CSMD1: variants seen among roughly 807,000 people sequenced by gnomAD.
The protein encoded by CSMD1 is CUB and Sushi multiple domains 1.
A neutral mutation model predicts 417.5 loss-of-function variants in CSMD1; 213 were observed. That is an observed-to-expected ratio of 0.51 (90% CI 0.46 to 0.57). The LOEUF is 0.57. CSMD1 is among the 20% of genes least tolerant of loss of function. CSMD1 has a pLI of 0.00. For missense variants in CSMD1, 6,923 were observed against 4,529.7 expected, an observed-to-expected ratio of 1.53 and a Z score of -15.17; for synonymous variants, 2,862 against 1,736.8, an observed-to-expected ratio of 1.65 and a Z score of -16.11.
chr8:4,787,708 G>C, intron 1 of CSMD1: 1 of 1,591,992 alleles, frequency 6.3e-7, no homozygotes. Flanking sequence ...TTTCAAGGAT[G>C]CTGCCAATAA....
intron 68 of CSMD1, among the ~76,000 whole-genome samples, chr8:2,948,388 T>C (rs892854738): frequency 6.6e-6 from 1 of 151,902 alleles, no homozygotes; most frequent in Non-Finnish European, 1.5e-5. Flanking sequence ...CTGATGATTG[T>C]TTCCACATAT....
chr8:4,546,666 G>A (rs1410212377), intron 2 of CSMD1, among the ~76,000 whole-genome samples: 1 of 151,990 alleles, frequency 6.6e-6, no homozygotes, highest in Non-Finnish European at 1.5e-5. Context: ...TGGCTTTCCT[G>A]GATCTCCAGC....
intron 5 of CSMD1, among the ~76,000 whole-genome samples, chr8:3,755,763 T>G (rs553378180): frequency 1.3e-5 from 2 of 152,262 alleles, no homozygotes; most frequent in African/African-American, 4.8e-5. Context: ...AGCCAAACCT[T>G]GACTGTAACC....
At chr8:3,703,447 CA>C (rs1800986744) in intron 7 of CSMD1, among the ~76,000 whole-genome samples, 2 of 146,372 alleles carry the variant, frequency 1.4e-5, no homozygotes, top group African/African-American at 2.5e-5. Flanking sequence ...TTCATTCATT[CA>C]TTCATTCATT....
chr8:3,508,838 C>T (rs78789233), intron 10 of CSMD1, among the ~76,000 whole-genome samples: 10,409 of 152,236 alleles, frequency 0.068, 445 homozygotes, highest in Admixed American at 0.14. Context: ...TCAGCTGTCA[C>T]TCTCCTACAC....
chr8:3,643,724 G>GAAAAAAAAAAAAAA (rs1431798280), intron 7 of CSMD1, among the ~76,000 whole-genome samples: 29 of 120,808 alleles, frequency 2.4e-4, no homozygotes, highest in East Asian at 7.2e-4. Context: ...AAAAAAAAAG[G>GAAAAAAAAAAAAAA]AAATGCCTCC....
intron 10 of CSMD1, among the ~76,000 whole-genome samples, chr8:3,498,117 T>G (rs183947321): frequency 6.6e-6 from 1 of 152,218 alleles, no homozygotes; most frequent in South Asian, 2.1e-4. Flanking sequence ...GCATTTTCAT[T>G]ATATCACCCT....
intron 3 of CSMD1, among the ~76,000 whole-genome samples, chr8:4,186,942 G>A (rs967728096): frequency 6.6e-6 from 1 of 152,046 alleles, no homozygotes; most frequent in African/African-American, 2.4e-5. Flanking sequence ...ATTGCAGTGA[G>A]CTGCACTCTA....
At chr8:4,163,898 G>C (rs935603051) in intron 3 of CSMD1, among the ~76,000 whole-genome samples, 2 of 152,082 alleles carry the variant, frequency 1.3e-5, no homozygotes, top group African/African-American at 2.4e-5. Context: ...TTTGAATCAA[G>C]GTTTGGTTAC....
At chr8:4,767,879 C>A (rs1484742549) in intron 1 of CSMD1, among the ~76,000 whole-genome samples, 1 of 152,146 alleles carries the variant, frequency 6.6e-6, no homozygotes, top group Non-Finnish European at 1.5e-5. Context: ...AGCTAGTTTA[C>A]AGTGTAGGCA....
At chr8:4,249,322 T>G (rs1294281268) in intron 3 of CSMD1, among the ~76,000 whole-genome samples, 4 of 152,228 alleles carry the variant, frequency 2.6e-5, no homozygotes, top group African/African-American at 9.6e-5. Context: ...CAAAGCCACT[T>G]GTTTCTAAGA....
chr8:3,886,876 C>T (rs1191132281), intron 5 of CSMD1, among the ~76,000 whole-genome samples: 1 of 152,190 alleles, frequency 6.6e-6, no homozygotes, highest in Non-Finnish European at 1.5e-5. Context: ...ACTATACTGG[C>T]TCTCGCATGG....
intron 26 of CSMD1, among the ~76,000 whole-genome samples, chr8:3,253,760 A>C (rs942745010): frequency 1.3e-5 from 2 of 152,082 alleles, no homozygotes; most frequent in African/African-American, 4.8e-5. Flanking sequence ...TTTTGAGCCT[A>C]TGTGTGTCTC....
intron 26 of CSMD1, among the ~76,000 whole-genome samples, chr8:3,247,361 C>G (rs919632156): frequency 1.3e-5 from 2 of 152,102 alleles, no homozygotes; most frequent in African/African-American, 4.8e-5. Context: ...CCTGCTTGCT[C>G]CTGAACCGCT....
At chr8:3,759,147 G>C (rs1001923452) in intron 5 of CSMD1, among the ~76,000 whole-genome samples, 6 of 152,154 alleles carry the variant, frequency 3.9e-5, no homozygotes, top group African/African-American at 1.4e-4. Flanking sequence ...CATTGTATTT[G>C]TGTTAATTTG....
intron 4 of CSMD1, among the ~76,000 whole-genome samples, chr8:4,029,242 G>A (rs899233489): frequency 6.6e-6 from 1 of 152,162 alleles, no homozygotes; most frequent in African/African-American, 2.4e-5. Flanking sequence ...CTGAAAAACA[G>A]GATGAAAACA....
chr8:3,266,964 G>T (rs1301648068), intron 26 of CSMD1, among the ~76,000 whole-genome samples: 1 of 152,098 alleles, frequency 6.6e-6, no homozygotes, highest in African/African-American at 2.4e-5. Flanking sequence ...ATAAAATTTT[G>T]CTCTAAAAGG....
chr8:4,669,351 C>T (rs772322338), intron 1 of CSMD1, among the ~76,000 whole-genome samples: 12 of 152,152 alleles, frequency 7.9e-5, no homozygotes, highest in Non-Finnish European at 1.2e-4. Context: ...GGTAATTCCT[C>T]CAATCCGTAT....
chr8:4,756,784 G>C (rs1476272644), intron 1 of CSMD1, among the ~76,000 whole-genome samples: 1 of 152,256 alleles, frequency 6.6e-6, no homozygotes, highest in Non-Finnish European at 1.5e-5. Flanking sequence ...GGGCATTTTA[G>C]GTCTATATTT....
Sources: gnomAD v4.1 joint callset for allele counts (sites outside exome capture counted in the v4.1 genomes callset) on GRCh38, gnomAD v4.1.1 for gene constraint, MANE v1.5 for transcripts, NCBI Gene and HGNC (gene_info 2026-07-23, HGNC 2026-07-21) for gene names.